TMEM131: variants seen among roughly 807,000 people sequenced by gnomAD.
TMEM131 encodes transmembrane protein 131.
In TMEM131, 66 loss-of-function variants were observed where a neutral mutation model predicts 211.6. The observed-to-expected ratio is 0.31, with a 90% CI of 0.26 to 0.38. The LOEUF is 0.38. Among genes scored for constraint, TMEM131 ranks in the 10% least tolerant of loss-of-function variants. The pLI, the probability that TMEM131 is intolerant of heterozygous loss-of-function variation, is 1.00. For missense variants in TMEM131, 2,036 were observed against 2,299.3 expected (o/e 0.89, Z 2.34); for synonymous variants, 844 against 841.3 (o/e 1.00, Z -0.06).
rs752296667 is a variant in TMEM131, at chr2:97,760,685, C to T, written c.5016G>A (p.Gly1672=). Residue 1672 remains glycine (G), a synonymous_variant, in exon 38 of 41, where the codon GGG becomes GGA. Transcript: ENST00000186436. ...VTAGYDKSPG[G]NGFAKVSSNK... Reference sequence around the variant, plus strand: ...TTGAAGAAACTTTAGCAAAGCCATTCCCACCTGTAACAATGGACGTTCAAT... The same window carrying T: ...TTGAAGAAACTTTAGCAAAGCCATTTCCACCTGTAACAATGGACGTTCAAT... The T allele has an allele frequency of 1.3e-5, 21 of 1,613,810 alleles. No homozygotes were observed. The highest frequency in any genetic ancestry group is 1.7e-5 in the Non-Finnish European group (20 of 1,179,876).
chr2:97,943,032 A>AAAAG (rs1559464371), intron 1 of TMEM131, among the ~76,000 whole-genome samples: 491 of 47,200 alleles, frequency 0.01, 13 homozygotes, highest in African/African-American at 0.03. Context: ...AAAAGAAAAG[A>AAAAG]AAAGAAAAGA....
At chr2:97,847,730 A>C (rs551574780) in intron 5 of TMEM131, among the ~76,000 whole-genome samples, 10 of 152,362 alleles carry the variant, frequency 6.6e-5, no homozygotes, top group African/African-American at 2.4e-4. Flanking sequence ...GATGAAATTC[A>C]TATAAGTTCT....
intron 1 of TMEM131, among the ~76,000 whole-genome samples, chr2:97,958,273 G>A (rs962404494): frequency 6.6e-6 from 1 of 152,144 alleles, no homozygotes; most frequent in Non-Finnish European, 1.5e-5. Context: ...ATTTGCCCAA[G>A]GTCAAACTTC....
intron 1 of TMEM131, among the ~76,000 whole-genome samples, chr2:97,962,214 G>A (rs915277159): frequency 3.3e-5 from 5 of 152,132 alleles, no homozygotes; most frequent in African/African-American, 1.2e-4. Context: ...CTTAAAAAAT[G>A]AAAAGGCTGC....
At position 97,775,845 on chromosome 2, in the gene TMEM131, CCTT is replaced by C. The variant is rs773205188; in HGVS notation, c.4315_4317del (p.Lys1439del). On this transcript the variant is annotated inframe_deletion, in exon 32 of 41. Transcript: ENST00000186436. ...TGTTGTGTGAGATCAGCCCGTACCT[CCTT>C]GAGGAGCGGTTCTGTGTCAGGGTTG... is the stretch of plus-strand genomic sequence containing the variant. 2 of 1,612,718 alleles carry C rather than the reference CCTT, an allele frequency of 1.2e-6. No individual in the cohort carries two copies. Among genetic ancestry groups the C allele is most frequent in the Non-Finnish European group, 1.7e-6 (2 of 1,179,524 alleles).
intron 3 of TMEM131, among the ~76,000 whole-genome samples, chr2:97,905,033 T>G (rs1209226906): frequency 6.6e-6 from 1 of 152,158 alleles, no homozygotes; most frequent in Non-Finnish European, 1.5e-5. Flanking sequence ...CAGAAAACAT[T>G]TTTTATATTT....
chr2:97,760,487 G>T, intron 38 of TMEM131, 106 bp downstream of exon 38: 1 of 1,085,312 alleles, frequency 9.2e-7, no homozygotes, highest in Non-Finnish European at 1.4e-6. Flanking sequence ...ATGCCTCCTT[G>T]TAAATTAGGG....
At position 97,919,143 on chromosome 2, in the gene TMEM131, A is replaced by T. The variant is rs573108150; in HGVS notation, c.249+8283T>A. On this transcript the variant is annotated intron_variant, in intron 2 of 40. Coordinates refer to ENST00000186436, the MANE Select transcript of TMEM131 (RefSeq NM_015348.2). The stretch of plus-strand genomic sequence containing the variant: ...GTCAAGCTTCATAAGATTTAGCCTT[A>T]GTGGTACCAAAATGTTCTGCCACAA... Among the ~76,000 whole-genome samples the T allele has an allele frequency of 3.3e-5, 5 of 152,290 alleles. No homozygotes were observed. In the South Asian group the frequency reaches 1.0e-3, roughly 32 times the overall value.
intron 1 of TMEM131, among the ~76,000 whole-genome samples, chr2:97,933,792 G>T (rs1677328518): frequency 6.6e-6 from 1 of 151,896 alleles, no homozygotes; most frequent in African/African-American, 2.4e-5. Context: ...GGCTAAAGAG[G>T]AAAAACACAT....
chr2:97,941,173 A>G (rs2104491251), intron 1 of TMEM131, among the ~76,000 whole-genome samples: 1 of 152,346 alleles, frequency 6.6e-6, no homozygotes, highest in East Asian at 1.9e-4. Flanking sequence ...AATACAACAC[A>G]TCTACAACCA....
chr2:97,872,358 G>A (rs1674523678), intron 4 of TMEM131, among the ~76,000 whole-genome samples: 1 of 151,926 alleles, frequency 6.6e-6, no homozygotes, highest in Admixed American at 6.6e-5. Flanking sequence ...TTTACCTTTA[G>A]CCCCAAACCT....
At chr2:97,925,488 G>A (rs1283740229) in intron 2 of TMEM131, among the ~76,000 whole-genome samples, 3 of 152,176 alleles carry the variant, frequency 2.0e-5, no homozygotes, top group Non-Finnish European at 4.4e-5. Flanking sequence ...AAACAGGAAT[G>A]ACAATGGCCA....
chr2:97,938,287 T>C lies in TMEM131; in HGVS notation c.188-10800A>G, dbSNP rs1260638876. On this transcript the variant is annotated intron_variant, in intron 1 of 40. Transcript: ENST00000186436. ...GTGTGCTGTATTCAGGAAACCCATCTCACCTGCAGAGACACACATAGGCTC... is the reference window on the plus strand; with the variant it reads ...GTGTGCTGTATTCAGGAAACCCATCCCACCTGCAGAGACACACATAGGCTC... Among the ~76,000 whole-genome samples, 3 of 151,976 alleles carry C rather than the reference T, an allele frequency of 2.0e-5. No individual in the cohort carries two copies. In the East Asian group the frequency reaches 5.8e-4, roughly 29 times the overall value.
intron 2 of TMEM131, among the ~76,000 whole-genome samples, chr2:97,922,259 T>G (rs1676772876): frequency 6.6e-6 from 1 of 152,134 alleles, no homozygotes; most frequent in African/African-American, 2.4e-5. Context: ...CAGGAGGTAA[T>G]GTTCACTTCT....
chr2:97,973,552 G>A (rs1679398669), intron 1 of TMEM131, among the ~76,000 whole-genome samples: 1 of 152,176 alleles, frequency 6.6e-6, no homozygotes, highest in Non-Finnish European at 1.5e-5. Flanking sequence ...AAAATGGAGT[G>A]AGCTGCATAG....
chr2:97,901,632 G>A (rs1458538449), intron 3 of TMEM131, among the ~76,000 whole-genome samples: 1 of 152,130 alleles, frequency 6.6e-6, no homozygotes, highest in Non-Finnish European at 1.5e-5. Flanking sequence ...GTTATTTTCA[G>A]CAACATAGAT....
At chr2:97,873,521 G>A (rs2105231956) in intron 4 of TMEM131, among the ~76,000 whole-genome samples, 1 of 152,338 alleles carries the variant, frequency 6.6e-6, no homozygotes, top group East Asian at 1.9e-4. Flanking sequence ...TTTGGCAGGT[G>A]CCCCTCTGGG....
Position 97,943,027 on chromosome 2 carries a change from A to AAAGAAAG in TMEM131, c.188-15541_188-15540insCTTTCTT, listed in dbSNP as rs1172260370. On this transcript the variant is annotated intron_variant, in intron 1 of 40. Transcript: ENST00000186436. The stretch of plus-strand genomic sequence containing the variant: ...GAAAAGAAAGAAAAGAAAAGAAAAG[A>AAAGAAAG]AAAGAAAAGAAAAGAAAGAAAGAAA... Among the ~76,000 whole-genome samples, 3 of 49,728 alleles carry AAAGAAAG rather than the reference A, an allele frequency of 6.0e-5. No individual in the cohort carries two copies. In the East Asian group the frequency reaches 1.3e-3, roughly 21 times the overall value. 32.6% of individuals were successfully genotyped at this position (49,728 alleles called of 152,430 possible).
intron 35 of TMEM131, chr2:97,762,559 G>GT: frequency 4.3e-6 from 1 of 232,018 alleles, no homozygotes; most frequent in Non-Finnish European, 8.5e-6. Context: ...CTACACGCAG[G>GT]TTTACAGCTG....
Sources: allele counts gnomAD v4.1 joint callset (sites outside exome capture counted in the v4.1 genomes callset), GRCh38; gene constraint gnomAD v4.1.1; transcripts MANE v1.5; gene names NCBI Gene and HGNC (gene_info 2026-07-23, HGNC 2026-07-21).